PIGN: variants seen among roughly 807,000 people sequenced by gnomAD.
PIGN encodes the protein phosphatidylinositol glycan anchor biosynthesis class N, also known as GPI ethanolamine phosphate transferase 1.
In PIGN, 117 loss-of-function variants were observed where a neutral mutation model predicts 125.4. The ratio of observed to expected loss-of-function variants is 0.93; its 90% confidence interval spans 0.80 to 1.09. PIGN has a LOEUF of 1.09. PIGN is among the 50% of genes least tolerant of loss of function. The probability of loss-of-function intolerance (pLI) is 0.00; values close to 1 mark genes in which losing one functional copy is unlikely to be tolerated. For missense variants in PIGN, 1,075 were observed against 1,094.9 expected (o/e 0.98, Z 0.26); for synonymous variants, 392 against 377.8 (o/e 1.04, Z -0.44).
intron 23 of PIGN, among the ~76,000 whole-genome samples, chr18:62,019,566 T>C (rs1317984217): frequency 6.6e-6 from 1 of 152,188 alleles, no homozygotes; most frequent in African/African-American, 2.4e-5. Flanking sequence ...CCCTTTTACC[T>C]AAAAATCTCA....
intron 30 of PIGN, among the ~76,000 whole-genome samples, chr18:62,054,400 G>C (rs2031560433): frequency 6.7e-6 from 1 of 149,514 alleles, no homozygotes; most frequent in Non-Finnish European, 1.5e-5. Flanking sequence ...CTCTGTGAAG[G>C]GCCCTGTTAA....
intron 1 of PIGN, among the ~76,000 whole-genome samples, chr18:62,173,059 T>A (rs1025094387): frequency 6.6e-6 from 1 of 152,214 alleles, no homozygotes; most frequent in African/African-American, 2.4e-5. Flanking sequence ...TGACTTTACA[T>A]TATGCTGAAG....
At chr18:62,114,359 CAA>C (rs373385473) in intron 15 of PIGN, among the ~76,000 whole-genome samples, 200 bp downstream of exon 15, 8 of 111,344 alleles carry the variant, frequency 7.2e-5, no homozygotes, top group Admixed American at 1.9e-4. Context: ...CACTCTGTCT[CAA>C]AAAAAAAAAA....
chr18:62,143,764 G>A (rs928271127), intron 10 of PIGN, among the ~76,000 whole-genome samples: 3 of 152,146 alleles, frequency 2.0e-5, no homozygotes, highest in Non-Finnish European at 4.4e-5. Flanking sequence ...TGTGATGGCA[G>A]TTCCTCCCAA....
intron 14 of PIGN, chr18:62,136,228 A>G (rs1261990199): frequency 6.6e-6 from 1 of 152,236 alleles, no homozygotes; most frequent in Non-Finnish European, 1.5e-5. Flanking sequence ...AATCAATTTT[A>G]TATGATTATA....
At chr18:62,069,625 T>C (rs1418471956) in intron 30 of PIGN, 2 of 152,172 alleles carry the variant, frequency 1.3e-5, no homozygotes, top group Non-Finnish European at 2.9e-5. Context: ...TTCATTTATA[T>C]GAGATACCCA....
At chr18:62,046,901 G>A (rs1740247223) in intron 30 of PIGN, among the ~76,000 whole-genome samples, 1 of 152,154 alleles carries the variant, frequency 6.6e-6, no homozygotes, top group South Asian at 2.1e-4. Flanking sequence ...TCCAGGTGGT[G>A]GAAAGAGGGC....
At chr18:62,184,939 T>C (rs2037842890) in intron 1 of PIGN, among the ~76,000 whole-genome samples, 1 of 152,212 alleles carries the variant, frequency 6.6e-6, no homozygotes, top group African/African-American at 2.4e-5. Context: ...CCTTATCCCC[T>C]TTGATAGACG....
intron 10 of PIGN, among the ~76,000 whole-genome samples, chr18:62,144,070 A>G (rs974439926): frequency 2.0e-5 from 3 of 152,206 alleles, no homozygotes; most frequent in Admixed American, 1.3e-4. Context: ...CCAAAAATTC[A>G]CACTAATCAG....
chr18:62,166,539 G>A (rs1027122419), intron 1 of PIGN, among the ~76,000 whole-genome samples: 31 of 152,134 alleles, frequency 2.0e-4, no homozygotes, highest in Non-Finnish European at 4.3e-4. Flanking sequence ...ATTTGACCCA[G>A]CAATCCCATT....
chr18:62,125,167 TATGTGTATATAAATATACAC>T (rs1256836185), intron 14 of PIGN, among the ~76,000 whole-genome samples: 31,286 of 115,120 alleles, frequency 0.27, 7,103 homozygotes, highest in East Asian at 0.47. Flanking sequence ...TGTTTGTACA[TATGTGTATATAAATATACAC>T]GTTTGTACAT....
intron 16 of PIGN, among the ~76,000 whole-genome samples, chr18:62,110,324 G>A (rs952657143): frequency 6.6e-6 from 1 of 152,100 alleles, no homozygotes; most frequent in Non-Finnish European, 1.5e-5. Context: ...ACTCGCAAAA[G>A]CCTATTTAAT....
chr18:62,156,081 C>G (rs990299746), intron 6 of PIGN, among the ~76,000 whole-genome samples: 1 of 152,128 alleles, frequency 6.6e-6, no homozygotes, highest in Admixed American at 6.5e-5. Context: ...TTTCTGCTCC[C>G]ACTTAAAAGC....
chr18:62,137,084 G>T, intron 14 of PIGN: 1 of 398,646 alleles, frequency 2.5e-6, no homozygotes, highest in Non-Finnish European at 4.4e-6. Context: ...ACCCTCAAGT[G>T]GGCATCATCT....
intron 30 of PIGN, among the ~76,000 whole-genome samples, chr18:62,061,941 A>C (rs913334501): frequency 9.9e-5 from 15 of 152,162 alleles, no homozygotes; most frequent in African/African-American, 3.6e-4. Flanking sequence ...ACCATTATCC[A>C]AGCCTTTTCC....
At position 62,105,768 on chromosome 18, in the gene PIGN, A is replaced by G. The variant is rs2034615436; in HGVS notation, c.1768-134T>C. 6 of 519,034 alleles carry G rather than the reference A, an allele frequency of 1.2e-5. No individual in the cohort carries two copies. In the East Asian group the frequency reaches 1.8e-4, roughly 16 times the overall value. 32.2% of individuals were successfully genotyped at this position (519,034 alleles called of 1,614,324 possible). A position where few individuals can be genotyped will look rare whatever the true frequency, so the allele number is the denominator to read the frequency against. On this transcript the variant is annotated intron_variant, in intron 19 of 30. Coordinates refer to ENST00000640252, the MANE Select transcript of PIGN (RefSeq NM_176787.5). ...CAGCTGTTTATTATTTTATTTTTCA[A>G]ATACTTTCTAGCAGAATCAACAGCT...
At position 62,105,543 on chromosome 18, in the gene PIGN, A is replaced by G. The variant is rs1430977660; in HGVS notation, c.1859T>C (p.Val620Ala). The G allele has an allele frequency of 8.7e-6, 13 of 1,496,976 alleles. No homozygotes were observed. The highest frequency in any genetic ancestry group is 2.5e-5 in the East Asian group (1 of 40,608). The allele number at this position is 1,496,976 out of a possible 1,614,324, so 92.7% of individuals were successfully genotyped here. A position where few individuals can be genotyped will look rare whatever the true frequency, so the allele number is the denominator to read the frequency against. ...VVGRKPDISL[V>A]MGAGLLVLLL... ...GAATAAAATACAATATTATTCATACACTAGAGAGATGTCTGGCTTTCGACC... is the reference window on the plus strand; with the variant it reads ...GAATAAAATACAATATTATTCATACGCTAGAGAGATGTCTGGCTTTCGACC... The change falls in exon 20 of 31, where the codon GTG (valine) becomes GCG (alanine). Residue 620 changes from valine (V) to alanine (A), a missense_variant and splice_region_variant. Around this residue, in one of 3 missense-constraint regions of PIGN, gnomAD observed 915 missense variants for 908.7 expected, o/e 1.01. Coordinates refer to ENST00000640252, the MANE Select transcript of PIGN (RefSeq NM_176787.5).
At chr18:62,168,416 T>TC (rs1169539568) in intron 1 of PIGN, among the ~76,000 whole-genome samples, 2 of 152,154 alleles carry the variant, frequency 1.3e-5, no homozygotes, top group African/African-American at 2.4e-5. Context: ...TGTTCTTTTT[T>TC]CCCACTCTTT....
At chr18:62,128,175 T>G (rs2035606583) in intron 14 of PIGN, among the ~76,000 whole-genome samples, 1 of 152,308 alleles carries the variant, frequency 6.6e-6, no homozygotes, top group African/African-American at 2.4e-5. Context: ...ATCACTATAC[T>G]ATTCATGACA....
Sources: gnomAD v4.1 joint callset for allele counts (sites outside exome capture counted in the v4.1 genomes callset) on GRCh38, gnomAD v4.1.1 for gene constraint, gnomAD v4.1.1 regional missense constraint, MANE v1.5 for transcripts, NCBI Gene and HGNC (gene_info 2026-07-23, HGNC 2026-07-21) for gene names.